Variants in ZDHHC14 observed in about 807,000 individuals in gnomAD.
ZDHHC14 encodes zDHHC palmitoyltransferase 14, also known as palmitoyltransferase ZDHHC14.
Under a neutral mutation model 47.7 loss-of-function variants are expected in ZDHHC14, and 16 were observed. That is an observed-to-expected ratio of 0.34 (90% confidence interval 0.23 to 0.51). ZDHHC14 has a LOEUF of 0.51. Among genes scored for constraint, ZDHHC14 ranks in the 20% least tolerant of loss-of-function variants. The pLI is 0.97. For synonymous variants in ZDHHC14, 293 were observed against 278.9 expected, an observed-to-expected ratio of 1.05 and a Z score of -0.50; for missense variants, 515 against 662.5, an observed-to-expected ratio of 0.78 and a Z score of 2.44.
intron 3 of ZDHHC14, among the ~76,000 whole-genome samples, chr6:157,613,263 A>G (rs1199328306): frequency 1.3e-5 from 2 of 152,236 alleles, no homozygotes; most frequent in Admixed American, 1.3e-4. Context: ...TACATTTTCT[A>G]CTGGGATCCA....
rs1583053637 is a variant in ZDHHC14 at position 157,636,562 on chromosome 6, G to GC, written c.752+3680_752+3681insC. 2.6e-5 allele frequency among the ~76,000 whole-genome samples: 4 copies of GC among 152,074 alleles called. No homozygotes were observed. In the East Asian group the frequency reaches 7.7e-4, roughly 29 times the overall value. The stretch of plus-strand genomic sequence containing the variant: ...CTTGTGGCACCTACATTATGGACCC[G>GC]AGGTCCTGCTGGGCTCCTGCCTGGG... On this transcript the variant is annotated intron_variant, in intron 5 of 8. Coordinates refer to ENST00000359775, the MANE Select transcript of ZDHHC14 (RefSeq NM_024630.3).
intron 1 of ZDHHC14, among the ~76,000 whole-genome samples, chr6:157,382,930 AAAAC>A (rs1449151982): frequency 2.0e-5 from 3 of 152,242 alleles, no homozygotes; most frequent in Admixed American, 1.3e-4. Context: ...AAAGGTGTCC[AAAAC>A]AAACAATTTG....
At chr6:157,515,655 C>T (rs908616681) in intron 1 of ZDHHC14, among the ~76,000 whole-genome samples, 4 of 151,468 alleles carry the variant, frequency 2.6e-5, no homozygotes, top group African/African-American at 9.7e-5. Flanking sequence ...TTAGTAGAGA[C>T]GGGGTTTCAC....
chr6:157,619,333 A>G (rs9355292), intron 3 of ZDHHC14, among the ~76,000 whole-genome samples: 54,989 of 152,054 alleles, frequency 0.36, 10,917 homozygotes, highest in East Asian at 0.86. Flanking sequence ...AGAGGTTGCA[A>G]TGAGCCAAGA....
chr6:157,584,257 G>A (rs552515115), intron 2 of ZDHHC14, among the ~76,000 whole-genome samples: 1 of 152,224 alleles, frequency 6.6e-6, no homozygotes, highest in African/African-American at 2.4e-5. Context: ...TTGAAGAGTG[G>A]GGCATGGGGG....
At chr6:157,672,663 CCCTCCCCACCTCTGCCCCCT>C in intron 8 of ZDHHC14, 41 bp from the exon 9 acceptor site, 1 of 585,762 alleles carries the variant, frequency 1.7e-6, no homozygotes, top group Non-Finnish European at 2.7e-6. Flanking sequence ...CCATCCCTGT[CCCTCCCCACCTCTGCCCCCT>C]CCTCTCCACC....
intron 1 of ZDHHC14, among the ~76,000 whole-genome samples, chr6:157,508,220 G>T (rs941923461): frequency 6.6e-6 from 1 of 152,178 alleles, no homozygotes; most frequent in Non-Finnish European, 1.5e-5. Flanking sequence ...ATACCAGGGT[G>T]GTGGTGAGTC....
intron 1 of ZDHHC14, among the ~76,000 whole-genome samples, chr6:157,488,101 C>T (rs1202971909): frequency 1.3e-5 from 2 of 152,236 alleles, no homozygotes; most frequent in East Asian, 1.9e-4. Flanking sequence ...GTACCCACCA[C>T]GCAACCCCAC....
At chr6:157,505,813 G>T (rs1321355004) in intron 1 of ZDHHC14, among the ~76,000 whole-genome samples, 5 of 152,184 alleles carry the variant, frequency 3.3e-5, no homozygotes, top group Non-Finnish European at 7.3e-5. Flanking sequence ...TGTTTCTGTA[G>T]TCATCAGAGT....
intron 3 of ZDHHC14, among the ~76,000 whole-genome samples, chr6:157,623,016 G>A (rs575295937): frequency 7.2e-5 from 11 of 152,246 alleles, no homozygotes; most frequent in African/African-American, 2.2e-4. Context: ...CAGGCAGCTC[G>A]GTGCCACCAG....
At chr6:157,449,089 A>G (rs1778744857) in intron 1 of ZDHHC14, among the ~76,000 whole-genome samples, 2 of 152,336 alleles carry the variant, frequency 1.3e-5, no homozygotes, top group South Asian at 4.1e-4. Context: ...CACCTCAGGC[A>G]CCCAGGACCA....
chr6:157,531,933 G>A (rs548052667), intron 1 of ZDHHC14, among the ~76,000 whole-genome samples: 9 of 152,264 alleles, frequency 5.9e-5, no homozygotes, highest in African/African-American at 1.4e-4. Flanking sequence ...GCCTGGCCTC[G>A]TTCTGCGGGA....
At chr6:157,453,252 C>T (rs1562431149) in intron 1 of ZDHHC14, among the ~76,000 whole-genome samples, 1 of 152,304 alleles carries the variant, frequency 6.6e-6, no homozygotes, top group East Asian at 1.9e-4. Flanking sequence ...ATACCGAAGA[C>T]ATTCTATCTC....
intron 1 of ZDHHC14, among the ~76,000 whole-genome samples, chr6:157,418,822 T>A (rs1198240677): frequency 1.3e-5 from 2 of 152,200 alleles, no homozygotes; most frequent in Non-Finnish European, 2.9e-5. Context: ...CAGGTGTATG[T>A]TTCCTTGTTA....
chr6:157,457,144 A>G (rs1206345368), intron 1 of ZDHHC14, among the ~76,000 whole-genome samples: 1 of 148,682 alleles, frequency 6.7e-6, no homozygotes, highest in East Asian at 2.0e-4. Flanking sequence ...ATTGCACTCC[A>G]GCCTGGGTGA....
At chr6:157,409,600 G>A (rs1777833080) in intron 1 of ZDHHC14, among the ~76,000 whole-genome samples, 1 of 152,212 alleles carries the variant, frequency 6.6e-6, no homozygotes, top group Non-Finnish European at 1.5e-5. Context: ...CATACGCTAT[G>A]CCAGGCCTCT....
chr6:157,409,576 A>G (rs1468163487), intron 1 of ZDHHC14, among the ~76,000 whole-genome samples: 9 of 152,176 alleles, frequency 5.9e-5, no homozygotes, highest in Non-Finnish European at 1.3e-4. Context: ...CAAGCTCTTG[A>G]GTAAAGTAGG....
At chr6:157,466,110 G>A (rs375972585) in intron 1 of ZDHHC14, among the ~76,000 whole-genome samples, 3 of 152,298 alleles carry the variant, frequency 2.0e-5, no homozygotes, top group African/African-American at 7.2e-5. Context: ...CACAGCCTGA[G>A]AATTTCTTCT....
chr6:157,655,484 T>G (rs1304256062), intron 8 of ZDHHC14, among the ~76,000 whole-genome samples: 1 of 152,212 alleles, frequency 6.6e-6, no homozygotes, highest in East Asian at 1.9e-4. Context: ...GCTCAGAGGC[T>G]TTCTGCACCA....
Sources: allele counts gnomAD v4.1 joint callset (sites outside exome capture counted in the v4.1 genomes callset), GRCh38; gene constraint gnomAD v4.1.1; transcripts MANE v1.5; gene names NCBI Gene and HGNC (gene_info 2026-07-23, HGNC 2026-07-21).